The following PMEPA1 variants were observed in gnomAD, a reference collection of about 807,000 sequenced individuals.
PMEPA1 encodes the protein prostate transmembrane protein, androgen induced 1, also known as protein TMEPAI.
In PMEPA1, 11 loss-of-function variants were observed where a neutral mutation model predicts 23.0. The observed-to-expected ratio is 0.48, with a 90% CI of 0.30 to 0.79. The LOEUF (loss-of-function observed/expected upper bound fraction) is 0.79, where lower values mean the gene tolerates loss of function less well. PMEPA1 is among the 30% of genes least tolerant of loss of function. PMEPA1 has a pLI of 0.06. For missense variants in PMEPA1, 377 were observed against 390.9 expected (o/e 0.96, Z 0.30); for synonymous variants, 204 against 166.4 (o/e 1.23, Z -1.74).
intron 1 of PMEPA1, among the ~76,000 whole-genome samples, chr20:57,679,459 C>T (rs1239883615): frequency 6.6e-6 from 1 of 152,230 alleles, no homozygotes; most frequent in East Asian, 1.9e-4. Context: ...GTGTGACTCT[C>T]CAAACACGGC....
chr20:57,679,009 A>G (rs1488404674), intron 1 of PMEPA1, among the ~76,000 whole-genome samples: 6 of 152,208 alleles, frequency 3.9e-5, no homozygotes, highest in African/African-American at 1.4e-4. Context: ...AGAGCCAGGA[A>G]CTGCAGGGAT....
Position 57,696,086 on chromosome 20 carries a change from A to G in PMEPA1, c.109+13388T>C, listed in dbSNP as rs113498242. Among the ~76,000 whole-genome samples the G allele has an allele frequency of 8.3e-3, 1,264 of 152,234 alleles. 13 individuals carry two copies. Among genetic ancestry groups the G allele is most frequent in the Non-Finnish European group, 0.015 (993 of 68,016 alleles). ...CTTCAGCTGCAACCTGTTACCGACA[A>G]TTTCTGCTCCCTCCTGCTCTGAGCC... On this transcript the variant is annotated intron_variant, in intron 1 of 3. Transcript: ENST00000341744.
chr20:57,653,267 G>A (rs115428313), intron 2 of PMEPA1, among the ~76,000 whole-genome samples, 181 bp from the exon 3 acceptor site: 7,874 of 150,518 alleles, frequency 0.052, 255 homozygotes, highest in African/African-American at 0.092. Flanking sequence ...GGACGTGAGC[G>A]CAATCACCTC....
chr20:57,664,460 G>A (rs940025790), intron 1 of PMEPA1, among the ~76,000 whole-genome samples: 2 of 152,234 alleles, frequency 1.3e-5, no homozygotes, highest in Non-Finnish European at 1.5e-5. Context: ...GTGCCTCCCC[G>A]CAAAGGCCTT....
rs2071741141 is a variant in PMEPA1 at position 57,682,996 on chromosome 20, G to C, written c.110-23299C>G. 6.6e-6 allele frequency among the ~76,000 whole-genome samples: 1 copy of C among 152,108 alleles called. No homozygotes were observed. The highest frequency in any genetic ancestry group is 2.4e-5 in the African/African-American group (1 of 41,438). On this transcript the variant is annotated intron_variant, in intron 1 of 3. Transcript: ENST00000341744. This position sits in a 1 kb window ranked among gnomAD's most constrained non-coding sequence, Gnocchi z 4.4. ...ACTCTTCAGAAAAGGAGAAGAAGAAGAAAAAAGAGTCCAAGCCTCCCAGGT... is the reference window on the plus strand; with the variant it reads ...ACTCTTCAGAAAAGGAGAAGAAGAACAAAAAAGAGTCCAAGCCTCCCAGGT...
intron 1 of PMEPA1, among the ~76,000 whole-genome samples, chr20:57,686,482 C>T (rs573054057): frequency 6.6e-6 from 1 of 152,216 alleles, no homozygotes; most frequent in Non-Finnish European, 1.5e-5. Flanking sequence ...CAAAGCCCAT[C>T]TCCACCACCT....
chr20:57,657,073 G>A (rs781602039), intron 2 of PMEPA1, among the ~76,000 whole-genome samples: 30 of 152,284 alleles, frequency 2.0e-4, no homozygotes, highest in Admixed American at 5.2e-4. Flanking sequence ...AAGGTGTGAC[G>A]GAATCCTACC....
upstream of PMEPA1, chr20:57,711,319 C>A (rs1323789877): frequency 6.6e-6 from 1 of 152,230 alleles, no homozygotes; most frequent in East Asian, 1.9e-4. Context: ...CGGGGTAGAA[C>A]TTACCTAGAC....
chr20:57,690,602 ACAGGTGG>A, intron 1 of PMEPA1: 1 of 1,229,062 alleles, frequency 8.1e-7, no homozygotes, highest in Non-Finnish European at 1.0e-6. Flanking sequence ...TCATGTGCAA[ACAGGTGG>A]CAGGGGCCTG....
Position 57,690,962 on chromosome 20 carries a change from A to C in PMEPA1, c.109+18512T>G, listed in dbSNP as rs527333958. 2.0e-3 allele frequency among the ~76,000 whole-genome samples: 299 copies of C among 152,356 alleles called. 4 individuals are homozygous for C. Among genetic ancestry groups the C allele is most frequent in the African/African-American group, 6.9e-3 (285 of 41,584 alleles). On this transcript the variant is annotated intron_variant, in intron 1 of 3. Transcript: ENST00000341744. ...ACCCCGAGGCCTGGGGATCCCGCTT[A>C]CAAGGCTACCAGAGAAGCAGGGTTA...
upstream of PMEPA1, chr20:57,710,644 T>G (rs2072167771): frequency 1.8e-6 from 1 of 566,608 alleles, no homozygotes; most frequent in East Asian, 3.3e-5. Context: ...TGGTGTATTG[T>G]CGCCGCCCCA....
chr20:57,707,645 C>CTT lies in PMEPA1; in HGVS notation c.109+1827_109+1828dup, dbSNP rs10709084. 5.4e-3 allele frequency among the ~76,000 whole-genome samples: 741 copies of CTT among 137,194 alleles called. 1 individual carries two copies. Among genetic ancestry groups the CTT allele is most frequent in the Admixed American group, 7.2e-3 (98 of 13,694 alleles). 90.0% of individuals were successfully genotyped at this position (137,194 alleles called of 152,430 possible). A position where few individuals can be genotyped will look rare whatever the true frequency, so the allele number is the denominator to read the frequency against. On this transcript the variant is annotated intron_variant, in intron 1 of 3. Transcript: ENST00000341744. The stretch of plus-strand genomic sequence containing the variant: ...AGAAAGGACAGAAATAAGAACAATG[C>CTT]TTTTTTTTTTTTTTTTTAAGTCCTG...
At chr20:57,676,477 G>A (rs1481403241) in intron 1 of PMEPA1, among the ~76,000 whole-genome samples, 1 of 152,224 alleles carries the variant, frequency 6.6e-6, no homozygotes, top group African/African-American at 2.4e-5. Context: ...TCAGGCGCAC[G>A]TTTATTAACG....
In PMEPA1 at chr20:57,649,099, A is replaced by C. The variant is rs2071186798; in HGVS notation, c.*2954T>G. ...AGGGAGACAGTGACAAGGCTAGAGA[A>C]AGCCACGCTCGGCCTTCTCTGAACC... On this transcript the variant is annotated 3_prime_UTR_variant, in exon 4 of 4. Transcript: ENST00000341744. 6.6e-6 allele frequency: 1 copy of C among 152,126 alleles called. No homozygotes were observed. The highest frequency in any genetic ancestry group is 1.5e-5 in the Non-Finnish European group (1 of 68,032). 9.4% of individuals were successfully genotyped at this position (152,126 alleles called of 1,614,324 possible). A position where few individuals can be genotyped will look rare whatever the true frequency, so the allele number is the denominator to read the frequency against.
At position 57,659,696 on chromosome 20, in the gene PMEPA1, C is replaced by T. The variant is rs781430084; in HGVS notation, c.111G>A (p.Thr37=). ...TGATGATCTGAACAAACTCCAGCTC[C>T]GCTGTGGAGACAAAGAGGGACACGT... ...KRSLFQSMEI[T]ELEFVQIIII... Residue 37 remains threonine, a splice_region_variant and synonymous_variant, in exon 2 of 4, where the codon ACG becomes ACA. Transcript: ENST00000341744. The T allele has an allele frequency of 1.7e-5, 26 of 1,570,458 alleles. No homozygotes were observed. Among genetic ancestry groups the T allele is most frequent in the Non-Finnish European group, 2.0e-5 (23 of 1,157,888 alleles).
Position 57,667,884 on chromosome 20 carries a change from C to A in PMEPA1, c.110-8187G>T, listed in dbSNP as rs879604029. Among the ~76,000 whole-genome samples, 11 of 152,032 alleles carry A rather than the reference C, an allele frequency of 7.2e-5. 1 individual carries two copies. The highest frequency in any genetic ancestry group is 6.5e-4 in the Admixed American group (10 of 15,276). On this transcript the variant is annotated intron_variant, in intron 1 of 3. Coordinates refer to ENST00000341744, the MANE Select transcript of PMEPA1 (RefSeq NM_020182.5). ...ACCCCAGCCCCCCGAATTTTAAGTA[C>A]AATCAAACCAGCCGTCAAAGGAATA...
chr20:57,651,830 A>C lies in PMEPA1; in HGVS notation c.*223T>G, dbSNP rs552923503. 1.2e-4 allele frequency: 46 copies of C among 384,392 alleles called. No homozygotes were observed. In the Admixed American group the frequency reaches 1.7e-3, roughly 14 times the overall value. 23.8% of individuals were successfully genotyped at this position (384,392 alleles called of 1,614,324 possible). A position where few individuals can be genotyped will look rare whatever the true frequency, so the allele number is the denominator to read the frequency against. On this transcript the variant is annotated 3_prime_UTR_variant, in exon 4 of 4. Coordinates refer to ENST00000341744, the MANE Select transcript of PMEPA1 (RefSeq NM_020182.5). ...CTTCAAGACACAGCTCAACAAAGAA[A>C]CGTGGTTTTTTTTTTTCTTTTTTCT... is the stretch of plus-strand genomic sequence containing the variant.
chr20:57,690,540 A>G (rs2071866754), intron 1 of PMEPA1: 11 of 1,293,018 alleles, frequency 8.5e-6, no homozygotes, highest in Non-Finnish European at 1.1e-5. Context: ...AAGAAGGATT[A>G]ATTAACTGTA....
intron 1 of PMEPA1, among the ~76,000 whole-genome samples, chr20:57,697,292 G>A (rs2071954179): frequency 2.0e-5 from 3 of 152,198 alleles, no homozygotes; most frequent in Admixed American, 6.5e-5. Context: ...TCTGAACCCC[G>A]ACTGGGAGCA....
Sources: gnomAD v4.1 joint callset for allele counts (sites outside exome capture counted in the v4.1 genomes callset) on GRCh38, gnomAD v4.1.1 for gene constraint, Gnocchi (gnomAD v3.1) non-coding constraint, MANE v1.5 for transcripts, NCBI Gene and HGNC (gene_info 2026-07-23, HGNC 2026-07-21) for gene names.